The following PPCDC variants were observed in gnomAD, a reference collection of about 807,000 sequenced individuals.
The protein encoded by PPCDC is phosphopantothenoylcysteine decarboxylase.
Under a neutral mutation model 20.7 loss-of-function variants are expected in PPCDC, and 20 were observed. The ratio of observed to expected loss-of-function variants is 0.97; its 90% CI spans 0.68 to 1.41. The LOEUF is 1.41. Among genes scored for constraint, PPCDC ranks in the 40% most tolerant of loss-of-function variants. PPCDC has a pLI of 0.00. For missense variants in PPCDC, 246 were observed against 263.8 expected, an observed-to-expected ratio of 0.93 and a Z score of 0.47; for synonymous variants, 88 against 100.3, an observed-to-expected ratio of 0.88 and a Z score of 0.73.
chr15:75,041,026 A>G (rs184306563), intron 2 of PPCDC, among the ~76,000 whole-genome samples: 6 of 152,174 alleles, frequency 3.9e-5, no homozygotes, highest in East Asian at 1.9e-4. Flanking sequence ...CGTATCCTTT[A>G]TGTGTAGATT....
chr15:75,043,128 T>A, intron 2 of PPCDC: 1 of 266,818 alleles, frequency 3.7e-6, no homozygotes, highest in Non-Finnish European at 7.2e-6. Flanking sequence ...CTTGCGTGCC[T>A]CTGCCACTGG....
At position 75,043,463 on chromosome 15, in the gene PPCDC, C is replaced by T. The variant is rs2066180848; in HGVS notation, c.158C>T (p.Thr53Ile). 1 of 1,612,858 alleles carries T rather than the reference C, an allele frequency of 6.2e-7. No homozygotes were observed. The stretch of plus-strand genomic sequence containing the variant: ...CAGCTGGAAGTAGCAGTGGTCACAA[C>T]TGAGAGAGCCAAACATTTCTACAGC... ...IPGLEVAVVT[T>I]ERAKHFYSPQ... The change falls in exon 3 of 6, where the codon ACT (threonine) becomes ATT (isoleucine). Residue 53 changes from threonine (T) to isoleucine (I), a missense_variant. By Grantham distance (89) the Thr-to-Ile change is moderately conservative (BLOSUM62 -1). This residue lies in a region of PPCDC where 225 missense variants were observed against 222.6 expected (regional missense o/e 1.01). Coordinates refer to ENST00000342932, the MANE Select transcript of PPCDC (RefSeq NM_021823.5).
chr15:75,040,686 G>A (rs1392140720), intron 2 of PPCDC, among the ~76,000 whole-genome samples: 4 of 151,786 alleles, frequency 2.6e-5, no homozygotes, highest in Non-Finnish European at 5.9e-5. Flanking sequence ...TGGAGTTAGG[G>A]TCTCACCCTT....
At chr15:75,047,202 G>T (rs745775760) in intron 4 of PPCDC, among the ~76,000 whole-genome samples, 2 of 152,220 alleles carry the variant, frequency 1.3e-5, no homozygotes, top group Non-Finnish European at 2.9e-5. Context: ...GCACACAGCG[G>T]AGCGACTTTT....
rs2066286561 is a variant in PPCDC at position 75,049,609 on chromosome 15, A to C, written c.*374A>C. 5.3e-6 allele frequency: 1 copy of C among 188,136 alleles called. No homozygotes were observed. Among genetic ancestry groups the C allele is most frequent in the South Asian group, 1.3e-4 (1 of 7,822 alleles). The allele number at this position is 188,136 out of a possible 1,614,324, so 11.7% of individuals were successfully genotyped here. A position where few individuals can be genotyped will look rare whatever the true frequency, so the allele number is the denominator to read the frequency against. ...TGGAGAGTCCTGGCTGAGCCTTGGG[A>C]GTTTCAGCTCTTTGGCGGGGTGCCC... On this transcript the variant is annotated 3_prime_UTR_variant, in exon 6 of 6. Coordinates refer to ENST00000342932, the MANE Select transcript of PPCDC (RefSeq NM_021823.5).
chr15:75,024,182 G>C (rs1032992840), intron 1 of PPCDC, among the ~76,000 whole-genome samples: 1 of 152,200 alleles, frequency 6.6e-6, no homozygotes, highest in Non-Finnish European at 1.5e-5. Context: ...TGGTGAGCAG[G>C]AGAGGTTGCC....
rs746530146 is a variant in PPCDC at position 75,043,492 on chromosome 15, C to A, written c.187C>A (p.Gln63Lys). 1.6e-5 allele frequency: 25 copies of A among 1,612,894 alleles called. No individual in the cohort carries two copies. The highest frequency in any genetic ancestry group is 1.0e-4 in the Admixed American group (6 of 59,818). ...GAGAGCCAAACATTTCTACAGCCCCCAGGACATTCCTGTCACCCTCTACAG... is the reference window on the plus strand; with the variant it reads ...GAGAGCCAAACATTTCTACAGCCCCAAGGACATTCCTGTCACCCTCTACAG... ...TERAKHFYSPQDIPVTLYSDA... is the reference protein window; with the variant it reads ...TERAKHFYSPKDIPVTLYSDA... The change falls in exon 3 of 6, where the codon CAG becomes AAG. Residue 63 changes from glutamine to lysine, a missense_variant. By Grantham distance (53) the Gln-to-Lys change is moderately conservative. This residue lies in a region of PPCDC where 225 missense variants were observed against 222.6 expected (regional missense o/e 1.01). Coordinates refer to ENST00000342932, the MANE Select transcript of PPCDC (RefSeq NM_021823.5).
At chr15:75,043,939 C>A (rs2066188652) in intron 3 of PPCDC, among the ~76,000 whole-genome samples, 1 of 152,142 alleles carries the variant, frequency 6.6e-6, no homozygotes, top group Non-Finnish European at 1.5e-5. Context: ...GGCTGATTCA[C>A]CAGACGCTGA....
At chr15:75,035,362 T>C (rs2066072727) in intron 2 of PPCDC, among the ~76,000 whole-genome samples, 1 of 152,210 alleles carries the variant, frequency 6.6e-6, no homozygotes. Flanking sequence ...TGTCTCATCC[T>C]GTGGCTGCGA....
chr15:75,033,200 A>G (rs1416381578), intron 2 of PPCDC, among the ~76,000 whole-genome samples: 1 of 152,196 alleles, frequency 6.6e-6, no homozygotes, highest in Non-Finnish European at 1.5e-5. Flanking sequence ...GTCCAAGACA[A>G]TTTATTGGAA....
chr15:75,027,150 C>A (rs958887632), intron 1 of PPCDC, among the ~76,000 whole-genome samples: 1 of 152,132 alleles, frequency 6.6e-6, no homozygotes, highest in Non-Finnish European at 1.5e-5. Flanking sequence ...AAAGGTGCAT[C>A]CCAGGGAAGG....
chr15:75,026,006 C>T (rs1457994349), intron 1 of PPCDC, among the ~76,000 whole-genome samples: 1 of 152,186 alleles, frequency 6.6e-6, no homozygotes, highest in African/African-American at 2.4e-5. Flanking sequence ...GCTAAGCAGG[C>T]TAAGTACTGT....
chr15:75,035,853 G>A (rs2066078197), intron 2 of PPCDC, among the ~76,000 whole-genome samples: 1 of 150,968 alleles, frequency 6.6e-6, no homozygotes, highest in Non-Finnish European at 1.5e-5. Context: ...TGTAATCCCA[G>A]CTACTCTGGA....
chr15:75,026,005 G>T (rs2065954876), intron 1 of PPCDC, among the ~76,000 whole-genome samples: 1 of 152,138 alleles, frequency 6.6e-6, no homozygotes, highest in Non-Finnish European at 1.5e-5. Flanking sequence ...TGCTAAGCAG[G>T]CTAAGTACTG....
At chr15:75,045,799 G>A (rs562670013) in intron 4 of PPCDC, among the ~76,000 whole-genome samples, 2 of 151,940 alleles carry the variant, frequency 1.3e-5, no homozygotes, top group Non-Finnish European at 1.5e-5. Flanking sequence ...TGGGAGGGTC[G>A]CTTAAGCCCA....
chr15:75,048,366 G>A (rs2066265806), intron 4 of PPCDC, among the ~76,000 whole-genome samples, 187 bp from the exon 5 acceptor site: 1 of 152,224 alleles, frequency 6.6e-6, no homozygotes, highest in African/African-American at 2.4e-5. Flanking sequence ...GCCAGAGCCT[G>A]TGGGGAGGTG....
At position 75,049,510 on chromosome 15, in the gene PPCDC, C is replaced by A. The variant is rs944896176; in HGVS notation, c.*275C>A. The A allele has an allele frequency of 4.6e-6, 2 of 439,132 alleles. No individual in the cohort carries two copies. The highest frequency in any genetic ancestry group is 8.3e-6 in the Non-Finnish European group (2 of 240,990). 27.2% of individuals were successfully genotyped at this position (439,132 alleles called of 1,614,324 possible). On this transcript the variant is annotated 3_prime_UTR_variant, in exon 6 of 6. Coordinates refer to ENST00000342932, the MANE Select transcript of PPCDC (RefSeq NM_021823.5). Reference sequence around the variant, plus strand: ...AGGAGAGCAAGCAGTGTTGTCCTCACGGGAGGAGGACTGAGCGACTGGGAA... The same window carrying A: ...AGGAGAGCAAGCAGTGTTGTCCTCAAGGGAGGAGGACTGAGCGACTGGGAA...
chr15:75,049,377 T>A lies in PPCDC; in HGVS notation c.*142T>A. The A allele has an allele frequency of 1.3e-6, 1 of 758,210 alleles. No individual in the cohort carries two copies. The highest frequency in any genetic ancestry group is 2.7e-5 in the East Asian group (1 of 36,744). The allele number at this position is 758,210 out of a possible 1,614,324, so 47.0% of individuals were successfully genotyped here. A position where few individuals can be genotyped will look rare whatever the true frequency, so the allele number is the denominator to read the frequency against. On this transcript the variant is annotated 3_prime_UTR_variant, in exon 6 of 6. Coordinates refer to ENST00000342932, the MANE Select transcript of PPCDC (RefSeq NM_021823.5). ...TCTGAGCCTGCCCAGGGGCCAGGCC[T>A]GCTCCAGGTTAAACTGGACGGAAGG...
intron 2 of PPCDC, among the ~76,000 whole-genome samples, chr15:75,031,568 G>A (rs1038077045): frequency 2.0e-5 from 3 of 152,150 alleles, no homozygotes; most frequent in African/African-American, 7.2e-5. Context: ...TTACCCGGTT[G>A]TGGTGGGCGC....
Sources: gnomAD v4.1 joint callset for allele counts (sites outside exome capture counted in the v4.1 genomes callset) on GRCh38, gnomAD v4.1.1 for gene constraint, gnomAD v4.1.1 regional missense constraint, MANE v1.5 for transcripts, NCBI Gene and HGNC (gene_info 2026-07-23, HGNC 2026-07-21) for gene names.